The following ANXA8 variants were observed in gnomAD, a reference collection of about 807,000 sequenced individuals.
The protein encoded by ANXA8 is annexin A8.
Under a neutral mutation model 26.8 loss-of-function variants are expected in ANXA8, and 9 were observed. The observed-to-expected ratio is 0.34, with a 90% CI of 0.20 to 0.59. The LOEUF (loss-of-function observed/expected upper bound fraction) is 0.59. Among genes scored for constraint, ANXA8 ranks in the 20% least tolerant of loss-of-function variants. The pLI, the probability that ANXA8 is intolerant of heterozygous loss-of-function variation, is 0.84. For missense variants in ANXA8, 83 were observed against 238.5 expected (o/e 0.35, Z 4.29); for synonymous variants, 39 against 94.8 (o/e 0.41, Z 3.42).
chr10:47,521,146 C>T, the ANXA8 span, among the ~76,000 whole-genome samples: 1 of 122,180 alleles, frequency 8.2e-6, no homozygotes, highest in African/African-American at 3.5e-5. Flanking sequence ...CATACACAGG[C>T]CTTATTTGTA....
upstream of ANXA8, among the ~76,000 whole-genome samples, chr10:47,484,921 G>A (rs1302048294): frequency 2.7e-5 from 4 of 148,098 alleles, 1 homozygote; most frequent in East Asian, 2.1e-4. Flanking sequence ...GCGTCCTCCC[G>A]GCTGGCTCGG....
chr10:47,916,571 TCA>T, the ANXA8 span, among the ~76,000 whole-genome samples: 1 of 131,046 alleles, frequency 7.6e-6, no homozygotes, highest in African/African-American at 2.6e-5. Flanking sequence ...TCTTTGAGGC[TCA>T]GTTTTCTCGC....
At chr10:47,704,171 C>T in the ANXA8 span, among the ~76,000 whole-genome samples, 8 of 142,196 alleles carry the variant, frequency 5.6e-5, no homozygotes, top group African/African-American at 2.0e-4. Context: ...ATTTAATTAA[C>T]GTTAGTTTCC....
chr10:47,631,955 A>T, the ANXA8 span, among the ~76,000 whole-genome samples: 1 of 152,104 alleles, frequency 6.6e-6, no homozygotes, highest in African/African-American at 2.4e-5. Flanking sequence ...ATCAAGATAC[A>T]TATTATAGTG....
At chr10:47,894,411 T>C in the ANXA8 span, among the ~76,000 whole-genome samples, 4 of 114,696 alleles carry the variant, frequency 3.5e-5, no homozygotes, top group Admixed American at 8.4e-5. Flanking sequence ...ACACCACCCA[T>C]TTCACCACAC....
chr10:47,766,942 C>A, the ANXA8 span, among the ~76,000 whole-genome samples: 1 of 151,854 alleles, frequency 6.6e-6, no homozygotes, highest in Non-Finnish European at 1.5e-5. Flanking sequence ...ATTTCCATGG[C>A]AAAAGCACTT....
chr10:47,646,908 AG>A, the ANXA8 span, among the ~76,000 whole-genome samples: 1 of 152,158 alleles, frequency 6.6e-6, no homozygotes, highest in Non-Finnish European at 1.5e-5. Flanking sequence ...TATGCCACCT[AG>A]CGGTGATTTA....
chr10:47,943,499 A>G, the ANXA8 span, among the ~76,000 whole-genome samples: 1 of 146,204 alleles, frequency 6.8e-6, no homozygotes, highest in Non-Finnish European at 1.5e-5. Context: ...CCCTTGGCAG[A>G]AGGCCAGGGC....
the ANXA8 span, among the ~76,000 whole-genome samples, chr10:47,572,741 A>T: frequency 7.0e-6 from 1 of 143,604 alleles, no homozygotes; most frequent in African/African-American, 2.7e-5. Flanking sequence ...TTAAAAAAAA[A>T]AGAAGAACGT....
At chr10:47,770,006 G>A in the ANXA8 span, among the ~76,000 whole-genome samples, 9 of 151,626 alleles carry the variant, frequency 5.9e-5, no homozygotes, top group African/African-American at 2.2e-4. Flanking sequence ...TGTGTCAAGT[G>A]GCAAGAAAGG....
At chr10:47,615,017 T>C in the ANXA8 span, among the ~76,000 whole-genome samples, 1 of 59,722 alleles carries the variant, frequency 1.7e-5, no homozygotes, top group African/African-American at 4.9e-5. Context: ...TTAAAAATAT[T>C]TTTTGTAATA....
chr10:47,691,129 A>C, the ANXA8 span: 1 of 1,609,210 alleles, frequency 6.2e-7, no homozygotes, highest in African/African-American at 1.3e-5. Context: ...CAACAGTTAC[A>C]GTAAGTGATC....
chr10:47,968,230 T>G, the ANXA8 span, among the ~76,000 whole-genome samples: 1 of 150,340 alleles, frequency 6.7e-6, no homozygotes, highest in Non-Finnish European at 1.5e-5. Flanking sequence ...TGCTAAGCTT[T>G]GTTTCCTAAT....
the ANXA8 span, among the ~76,000 whole-genome samples, chr10:47,701,216 A>G: frequency 6.6e-6 from 1 of 150,880 alleles, no homozygotes; most frequent in Admixed American, 6.6e-5. Flanking sequence ...AAAAAAAAGC[A>G]CATTCTGTTG....
At chr10:47,589,312 A>G in the ANXA8 span, 1 of 147,166 alleles carries the variant, frequency 6.8e-6, no homozygotes, top group Non-Finnish European at 1.5e-5. Context: ...TCTCCTTTAA[A>G]GCTCAGTTAA....
the ANXA8 span, among the ~76,000 whole-genome samples, chr10:47,514,068 C>A: frequency 7.1e-6 from 1 of 141,804 alleles, no homozygotes; most frequent in Admixed American, 7.1e-5. Context: ...GGAAAAGGAA[C>A]AATCAACAGA....
At chr10:47,667,582 C>T in the ANXA8 span, among the ~76,000 whole-genome samples, 1 of 151,774 alleles carries the variant, frequency 6.6e-6, no homozygotes. Flanking sequence ...GACAGAATCC[C>T]ACTCTCGCCC....
the ANXA8 span, among the ~76,000 whole-genome samples, chr10:47,959,980 C>A: frequency 1.3e-5 from 2 of 149,830 alleles, no homozygotes; most frequent in African/African-American, 4.9e-5. Flanking sequence ...CGGTTCCCAG[C>A]TGCCAGCTAT....
At chr10:47,988,936 T>C in the ANXA8 span, among the ~76,000 whole-genome samples, 1 of 151,846 alleles carries the variant, frequency 6.6e-6, no homozygotes, top group Non-Finnish European at 1.5e-5. Context: ...ACACACGATA[T>C]CCCTTGCTTG....
Sources: gnomAD v4.1 joint callset for allele counts (sites outside exome capture counted in the v4.1 genomes callset) on GRCh38, gnomAD v4.1.1 for gene constraint, MANE v1.5 for transcripts, NCBI Gene and HGNC (gene_info 2026-07-23, HGNC 2026-07-21) for gene names.